Variants in ARHGAP24 observed in about 807,000 individuals in gnomAD.
ARHGAP24 encodes the protein rho GTPase-activating protein 24.
ARHGAP24 carries 50 observed loss-of-function variants against 76.4 expected under a neutral mutation model. The ratio of observed to expected loss-of-function variants is 0.65; its 90% CI spans 0.52 to 0.83. The LOEUF is 0.83. ARHGAP24 is among the 40% of genes least tolerant of loss of function. The probability of loss-of-function intolerance (pLI) is 0.00; values close to 1 mark genes in which losing one functional copy is unlikely to be tolerated. For synonymous variants in ARHGAP24, 345 were observed against 323.3 expected (o/e 1.07, Z -0.72); for missense variants, 930 against 914.2 (o/e 1.02, Z -0.22).
intron 3 of ARHGAP24, among the ~76,000 whole-genome samples, chr4:85,916,825 G>A (rs1430963148): frequency 6.6e-6 from 1 of 152,120 alleles, no homozygotes; most frequent in East Asian, 1.9e-4. Flanking sequence ...AAATTTAAAT[G>A]CAAACAAATA....
rs115046786 is a variant in ARHGAP24 at position 85,714,020 on chromosome 4, C to T, written c.181-7865C>T. Among the ~76,000 whole-genome samples, 805 of 152,194 alleles carry T rather than the reference C, an allele frequency of 5.3e-3. 7 individuals carry two copies. Among genetic ancestry groups the T allele is most frequent in the African/African-American group, 0.018 (761 of 41,534 alleles). ...ACTTTTGGTTTTAGAATCAAGTCTT[C>T]CTTTCCCTCATTTCCAATGTGCCTC... On this transcript the variant is annotated intron_variant, in intron 2 of 9. Coordinates refer to ENST00000395184, the MANE Select transcript of ARHGAP24 (RefSeq NM_001025616.3).
chr4:85,670,945 A>C (rs1722795232), intron 2 of ARHGAP24, among the ~76,000 whole-genome samples: 1 of 152,120 alleles, frequency 6.6e-6, no homozygotes. Context: ...AAAATTGGAA[A>C]TCTCTGGGAT....
At chr4:85,490,694 A>G (rs951690164) in intron 1 of ARHGAP24, among the ~76,000 whole-genome samples, 6 of 152,228 alleles carry the variant, frequency 3.9e-5, no homozygotes, top group Admixed American at 3.9e-4. Flanking sequence ...AGCTCTTATT[A>G]GAATGATGCA....
chr4:85,513,265 C>T (rs1317415208), intron 1 of ARHGAP24, among the ~76,000 whole-genome samples: 2 of 152,186 alleles, frequency 1.3e-5, no homozygotes, highest in Non-Finnish European at 2.9e-5. Flanking sequence ...TCAGTGGACA[C>T]CTGGGGTGGG....
intron 2 of ARHGAP24, among the ~76,000 whole-genome samples, chr4:85,678,929 C>T (rs866559065): frequency 2.2e-4 from 33 of 152,276 alleles, no homozygotes; most frequent in Middle Eastern, 3.4e-3. Flanking sequence ...TCCCTTTATC[C>T]TCTGAAGGTT....
At position 85,605,721 on chromosome 4, in the gene ARHGAP24, G is replaced by T. The variant is rs367769039; in HGVS notation, c.180+35000G>T. On this transcript the variant is annotated intron_variant, in intron 2 of 9. Transcript: ENST00000395184. ...TATCGTGGAAATGAAGATATACAGG[G>T]GAATGTTTATAGATTTTTTCTGTTC... is the stretch of plus-strand genomic sequence containing the variant. Among the ~76,000 whole-genome samples the T allele has an allele frequency of 8.5e-5, 13 of 152,172 alleles. No homozygotes were observed. In the South Asian group the frequency reaches 1.0e-3, roughly 12 times the overall value.
intron 3 of ARHGAP24, among the ~76,000 whole-genome samples, chr4:85,910,373 C>T (rs2904083): frequency 0.3 from 45,446 of 152,038 alleles, 6,936 homozygotes; most frequent in South Asian, 0.43. Flanking sequence ...ATTCAGCAGG[C>T]TCCAAGTTCT....
chr4:85,883,212 CAAG>C (rs1371961580), intron 3 of ARHGAP24, among the ~76,000 whole-genome samples: 1 of 152,122 alleles, frequency 6.6e-6, no homozygotes, highest in Non-Finnish European at 1.5e-5. Context: ...TAGAAATTTG[CAAG>C]AAGAGGAACT....
intron 2 of ARHGAP24, among the ~76,000 whole-genome samples, chr4:85,675,611 T>C (rs1026871): frequency 0.04 from 6,121 of 152,242 alleles, 390 homozygotes; most frequent in African/African-American, 0.14. Context: ...CCCAAGATGG[T>C]GGGCATTGCC....
chr4:85,596,889 A>G (rs1463579153), intron 2 of ARHGAP24, among the ~76,000 whole-genome samples: 2 of 152,058 alleles, frequency 1.3e-5, no homozygotes, highest in African/African-American at 2.4e-5. Flanking sequence ...ATTTTGTTTC[A>G]TTATTTAACT....
chr4:85,835,747 A>G (rs1453977932), intron 3 of ARHGAP24, among the ~76,000 whole-genome samples: 4 of 151,900 alleles, frequency 2.6e-5, no homozygotes, highest in African/African-American at 9.7e-5. Flanking sequence ...GTGCAGTGGC[A>G]TGATCTCAGC....
chr4:85,536,924 A>G (rs1725491510), intron 1 of ARHGAP24, among the ~76,000 whole-genome samples: 1 of 152,164 alleles, frequency 6.6e-6, no homozygotes, highest in Non-Finnish European at 1.5e-5. Flanking sequence ...TCAAAGACCA[A>G]TATTCAAAGG....
At chr4:85,988,215 G>A (rs574306472) in intron 8 of ARHGAP24, among the ~76,000 whole-genome samples, 9 of 151,932 alleles carry the variant, frequency 5.9e-5, no homozygotes, top group African/African-American at 1.7e-4. Flanking sequence ...AGTCCAGATA[G>A]ACACATGTGC....
rs1403929727 is a variant in ARHGAP24, at chr4:86,000,589, A to C, written c.2114A>C (p.Glu705Ala). Residue 705 changes from glutamate (E) to alanine (A), a missense_variant, in exon 10 of 10, where the codon GAG (glutamate) becomes GCG (alanine). Physicochemically the swap from Glu to Ala is moderately radical, Grantham distance 107. Transcript: ENST00000395184. ...ATAGAAATAAAAATGCGAAATGCCG[A>C]GCGAGCAAAAGAAGATGCCGAGAAA... ...TMIEIKMRNA[E>A]RAKEDAEKRN... 1 of 1,613,964 alleles carries C rather than the reference A, an allele frequency of 6.2e-7. No homozygotes were observed. The highest frequency in any genetic ancestry group is 2.2e-5 in the East Asian group (1 of 44,852).
At chr4:85,582,761 T>C (rs1727669241) in intron 2 of ARHGAP24, among the ~76,000 whole-genome samples, 3 of 152,270 alleles carry the variant, frequency 2.0e-5, no homozygotes, top group Admixed American at 2.0e-4. Context: ...AAAACATTTA[T>C]GGATCTCAGG....
chr4:85,786,810 C>T (rs1048959043), intron 3 of ARHGAP24, among the ~76,000 whole-genome samples: 1 of 152,184 alleles, frequency 6.6e-6, no homozygotes, highest in Non-Finnish European at 1.5e-5. Flanking sequence ...ACTTTCTCAC[C>T]TTTGTATGGT....
chr4:85,981,143 G>A lies in ARHGAP24; in HGVS notation c.928+3452G>A, dbSNP rs140890700. On this transcript the variant is annotated intron_variant, in intron 8 of 9. Coordinates refer to ENST00000395184, the MANE Select transcript of ARHGAP24 (RefSeq NM_001025616.3). ...ATGATTGGCTCAAGGGGAAGCATTTGTGTGATATTTGAGCAGCACTAACTG... is the reference window on the plus strand; with the variant it reads ...ATGATTGGCTCAAGGGGAAGCATTTATGTGATATTTGAGCAGCACTAACTG... Among the ~76,000 whole-genome samples the A allele has an allele frequency of 1.4e-3, 219 of 152,296 alleles. 1 individual carries two copies. Among genetic ancestry groups the A allele is most frequent in the Non-Finnish European group, 1.0e-4 (7 of 68,016 alleles).
At chr4:85,556,135 G>C (rs1468082391) in intron 1 of ARHGAP24, among the ~76,000 whole-genome samples, 2 of 152,090 alleles carry the variant, frequency 1.3e-5, no homozygotes, top group African/African-American at 4.8e-5. Context: ...CCGACTGGGT[G>C]AAGAGTGGGG....
intron 1 of ARHGAP24, among the ~76,000 whole-genome samples, chr4:85,525,644 A>G (rs953431361): frequency 6.6e-6 from 1 of 152,170 alleles, no homozygotes; most frequent in African/African-American, 2.4e-5. Flanking sequence ...GATCTCTTGC[A>G]TATTTGTAGC....
Sources: gnomAD v4.1 joint callset for allele counts (sites outside exome capture counted in the v4.1 genomes callset) on GRCh38, gnomAD v4.1.1 for gene constraint, MANE v1.5 for transcripts, NCBI Gene and HGNC (gene_info 2026-07-23, HGNC 2026-07-21) for gene names.